PLCXD3: variants seen among roughly 807,000 people sequenced by gnomAD.
PLCXD3 encodes phosphatidylinositol specific phospholipase C X domain containing 3, also known as PI-PLC X domain-containing protein 3.
A neutral mutation model predicts 25.5 loss-of-function variants in PLCXD3; 19 were observed. The ratio of observed to expected loss-of-function variants is 0.75; its 90% CI spans 0.52 to 1.09. The LOEUF (loss-of-function observed/expected upper bound fraction) is 1.09. Ranked by LOEUF, PLCXD3 falls within the 50% of genes least tolerant of loss-of-function variation. PLCXD3 has a pLI of 0.00. For synonymous variants in PLCXD3, 174 were observed against 137.6 expected (o/e 1.26, Z -1.85); for missense variants, 411 against 388.1 (o/e 1.06, Z -0.50).
At chr5:41,348,643 G>T (rs578000606) in intron 2 of PLCXD3, among the ~76,000 whole-genome samples, 23 of 147,162 alleles carry the variant, frequency 1.6e-4, no homozygotes, top group South Asian at 1.5e-3. Context: ...GAGTTTTTTT[G>T]TTTGTTTGTT....
rs187838456 is a variant in PLCXD3 at position 41,428,284 on chromosome 5, A to G, written c.104-45750T>C. 3.1e-3 allele frequency among the ~76,000 whole-genome samples: 470 copies of G among 152,116 alleles called. 2 individuals carry two copies. Among genetic ancestry groups the G allele is most frequent in the African/African-American group, 9.9e-3 (409 of 41,510 alleles). The stretch of plus-strand genomic sequence containing the variant: ...ATCCCTTGGTATTTATTATGTACTG[A>G]ATTGTATTCCCCCTCAAATTCATAT... On this transcript the variant is annotated intron_variant, in intron 1 of 2. Transcript: ENST00000377801.
chr5:41,439,979 T>C (rs1426933335), intron 1 of PLCXD3, among the ~76,000 whole-genome samples: 1 of 152,106 alleles, frequency 6.6e-6, no homozygotes, highest in East Asian at 1.9e-4. Context: ...TGTCAGTGAC[T>C]GTGAGTTTTA....
At chr5:41,474,293 T>G (rs550310939) in intron 1 of PLCXD3, among the ~76,000 whole-genome samples, 21 of 152,314 alleles carry the variant, frequency 1.4e-4, no homozygotes, top group African/African-American at 3.6e-4. Flanking sequence ...AGGCTTCAGA[T>G]GTACCTAATC....
chr5:41,333,038 T>C (rs1743874856), intron 2 of PLCXD3, among the ~76,000 whole-genome samples: 1 of 152,118 alleles, frequency 6.6e-6, no homozygotes, highest in Non-Finnish European at 1.5e-5. Context: ...GGCACATGTA[T>C]ACATTTGTAA....
chr5:41,510,474 G>A lies in PLCXD3; in HGVS notation c.53C>T (p.Thr18Ile), dbSNP rs755309087. Residue 18 changes from threonine to isoleucine, a missense_variant, in exon 1 of 3, where the codon ACT becomes ATT. Coordinates refer to ENST00000377801, the MANE Select transcript of PLCXD3 (RefSeq NM_001005473.3). ...GATGCTGTGCATGCTCTCCGGCAGA[G>A]TTGCCATCCAGTCGGCTAATTTCAG... ...NELKLADWMA[T>I]LPESMHSIPL... 6 of 1,612,808 alleles carry A rather than the reference G, an allele frequency of 3.7e-6. No individual in the cohort carries two copies. The highest frequency in any genetic ancestry group is 2.2e-5 in the East Asian group (1 of 44,686).
chr5:41,467,650 T>C (rs58401670), intron 1 of PLCXD3, among the ~76,000 whole-genome samples: 1,695 of 152,288 alleles, frequency 0.011, 26 homozygotes, highest in African/African-American at 0.038. Flanking sequence ...ATGTCATGAA[T>C]ATTTTCTCCT....
intron 1 of PLCXD3, among the ~76,000 whole-genome samples, chr5:41,482,570 A>G (rs1748436821): frequency 6.6e-6 from 1 of 152,184 alleles, no homozygotes; most frequent in Non-Finnish European, 1.5e-5. Flanking sequence ...GGCCACCTTT[A>G]ATCAGTGAAA....
chr5:41,354,883 G>A (rs1487023949), intron 2 of PLCXD3, among the ~76,000 whole-genome samples: 1 of 152,066 alleles, frequency 6.6e-6, no homozygotes, highest in Non-Finnish European at 1.5e-5. Flanking sequence ...GAAATCCAAG[G>A]AAGGCCCCTT....
In PLCXD3 at chr5:41,478,997, A is replaced by C. The variant is rs117592865; in HGVS notation, c.103+31427T>G. On this transcript the variant is annotated intron_variant, in intron 1 of 2. Coordinates refer to ENST00000377801, the MANE Select transcript of PLCXD3 (RefSeq NM_001005473.3). ...AAGTCTGCCCCCATGATTCAATCAC[A>C]TCTGACAAGGCCCCTCCCCTAACAC... 2.8e-3 allele frequency among the ~76,000 whole-genome samples: 426 copies of C among 152,274 alleles called. 2 individuals carry two copies. The highest frequency in any genetic ancestry group is 0.016 in the East Asian group (82 of 5,176).
chr5:41,392,825 C>G (rs1021440090), intron 1 of PLCXD3, among the ~76,000 whole-genome samples: 1 of 152,006 alleles, frequency 6.6e-6, no homozygotes, highest in East Asian at 1.9e-4. Context: ...AACACAGAGA[C>G]GAAATTCAGA....
intron 2 of PLCXD3, among the ~76,000 whole-genome samples, chr5:41,366,462 G>C (rs1744940531): frequency 6.6e-6 from 1 of 152,176 alleles, no homozygotes; most frequent in Non-Finnish European, 1.5e-5. Context: ...CTTCAATTGG[G>C]AGATAAGATC....
chr5:41,427,266 G>A (rs977371864), intron 1 of PLCXD3, among the ~76,000 whole-genome samples: 2 of 151,922 alleles, frequency 1.3e-5, no homozygotes, highest in Non-Finnish European at 2.9e-5. Flanking sequence ...TTATCCTCTA[G>A]TTTGTATTCC....
At chr5:41,395,412 C>G (rs925049753) in intron 1 of PLCXD3, among the ~76,000 whole-genome samples, 2 of 151,046 alleles carry the variant, frequency 1.3e-5, no homozygotes, top group African/African-American at 4.9e-5. Flanking sequence ...TCTTAAAGAA[C>G]TAGAAAAGTA....
intron 1 of PLCXD3, among the ~76,000 whole-genome samples, chr5:41,494,041 G>A (rs1209369566): frequency 6.6e-6 from 1 of 152,200 alleles, no homozygotes; most frequent in Non-Finnish European, 1.5e-5. Context: ...CTCACGCTGG[G>A]AGCTGTAGAC....
rs566678101 is a variant in PLCXD3 at position 41,390,514 on chromosome 5, T to C, written c.104-7980A>G. On this transcript the variant is annotated intron_variant, in intron 1 of 2. Transcript: ENST00000377801. ...AGTTACTCCACATGGTACCAATGCT[T>C]GGTAATGTCAGTCTTTTTAGTATTA... Among the ~76,000 whole-genome samples, 73 of 152,252 alleles carry C rather than the reference T, an allele frequency of 4.8e-4. 1 individual carries two copies. The highest frequency in any genetic ancestry group is 2.5e-3 in the South Asian group (12 of 4,826).
intron 1 of PLCXD3, among the ~76,000 whole-genome samples, chr5:41,438,836 A>T (rs944048730): frequency 1.3e-5 from 2 of 151,848 alleles, no homozygotes; most frequent in Non-Finnish European, 2.9e-5. Context: ...AACTATCTAT[A>T]TTGACTAAAG....
chr5:41,440,166 TC>T (rs1184531052), intron 1 of PLCXD3, among the ~76,000 whole-genome samples: 4 of 149,532 alleles, frequency 2.7e-5, no homozygotes, highest in Non-Finnish European at 4.4e-5. Context: ...AGATCTTAGC[TC>T]CGTTACTTAT....
At chr5:41,508,145 T>C (rs1375956646) in intron 1 of PLCXD3, among the ~76,000 whole-genome samples, 1 of 152,154 alleles carries the variant, frequency 6.6e-6, no homozygotes, top group Non-Finnish European at 1.5e-5. Context: ...CATTTGAGTA[T>C]AATACCAACA....
intron 1 of PLCXD3, among the ~76,000 whole-genome samples, chr5:41,414,394 G>A (rs1271212008): frequency 6.6e-6 from 1 of 152,106 alleles, no homozygotes; most frequent in African/African-American, 2.4e-5. Context: ...TAGAGACAGG[G>A]TTTCTCCATG....
Sources: gnomAD v4.1 joint callset for allele counts (sites outside exome capture counted in the v4.1 genomes callset) on GRCh38, gnomAD v4.1.1 for gene constraint, MANE v1.5 for transcripts, NCBI Gene and HGNC (gene_info 2026-07-23, HGNC 2026-07-21) for gene names.